The following TANGO6 variants were observed in gnomAD, a reference collection of about 807,000 sequenced individuals.
The protein encoded by TANGO6 is transport and golgi organization 6 homolog.
In TANGO6, 90 loss-of-function variants were observed where a neutral mutation model predicts 114.2. The ratio of observed to expected loss-of-function variants is 0.79; its 90% CI spans 0.66 to 0.94. TANGO6 has a LOEUF of 0.94. TANGO6 is among the 40% of genes least tolerant of loss of function. The pLI is 0.00. For missense variants in TANGO6, 1,274 were observed against 1,315.3 expected, an observed-to-expected ratio of 0.97 and a Z score of 0.49; for synonymous variants, 477 against 509.8, an observed-to-expected ratio of 0.94 and a Z score of 0.87.
At chr16:69,036,768 G>T (rs1194869879) in intron 16 of TANGO6, among the ~76,000 whole-genome samples, 1 of 152,130 alleles carries the variant, frequency 6.6e-6, no homozygotes, top group African/African-American at 2.4e-5. Flanking sequence ...TTTGAGACCA[G>T]CCTGGGCAAC....
chr16:68,878,082 A>G (rs565801651), intron 5 of TANGO6, 36 bp from the exon 6 acceptor site: 297 of 1,574,498 alleles, frequency 1.9e-4, no homozygotes, highest in Non-Finnish European at 2.5e-4. Flanking sequence ...ATTCCTTGCA[A>G]AAAACTGGTA....
At position 69,082,889 on chromosome 16, in the gene TANGO6, G is replaced by C. The variant is rs200162968; in HGVS notation, c.3109-596G>C. ...TATCTGGGCAGTCTTGCCTGTCTGT[G>C]GTCCTGAGGTCTCTGCCATGCTTTG... On this transcript the variant is annotated intron_variant, in intron 17 of 17. Transcript: ENST00000261778. Among the ~76,000 whole-genome samples, 11 of 152,212 alleles carry C rather than the reference G, an allele frequency of 7.2e-5. No homozygotes were observed. In the East Asian group the frequency reaches 2.1e-3, roughly 29 times the overall value.
intron 17 of TANGO6, among the ~76,000 whole-genome samples, chr16:69,053,261 C>T (rs8045398): frequency 0.043 from 6,482 of 151,942 alleles, 456 homozygotes; most frequent in African/African-American, 0.15. Context: ...TATATATATT[C>T]CCCCTCCCCA....
chr16:68,903,573 G>A (rs570939912), intron 9 of TANGO6, among the ~76,000 whole-genome samples: 8 of 138,178 alleles, frequency 5.8e-5, no homozygotes, highest in South Asian at 2.3e-4. Context: ...AGCTGGGATC[G>A]TACCACTGCA....
intron 17 of TANGO6, among the ~76,000 whole-genome samples, chr16:69,072,068 T>TAG (rs1555530578): frequency 5.0e-5 from 5 of 100,570 alleles, no homozygotes; most frequent in South Asian, 3.2e-4. Flanking sequence ...TGTGTGTGTG[T>TAG]AGAGAGAGGG....
chr16:69,055,199 A>G (rs144007462), intron 17 of TANGO6, among the ~76,000 whole-genome samples: 4 of 152,330 alleles, frequency 2.6e-5, no homozygotes, highest in African/African-American at 9.6e-5. Context: ...GGTTTTAAGT[A>G]AAAGAAACCT....
intron 14 of TANGO6, among the ~76,000 whole-genome samples, chr16:68,951,337 G>T (rs527667443): frequency 1.2e-4 from 18 of 151,386 alleles, no homozygotes; most frequent in East Asian, 5.9e-4. Context: ...AAGGCAGGGT[G>T]GGGGGGTTGG....
chr16:68,865,133 C>T (rs905030510), intron 3 of TANGO6, among the ~76,000 whole-genome samples: 11 of 151,842 alleles, frequency 7.2e-5, no homozygotes, highest in South Asian at 2.1e-4. Context: ...AAAAATTAGC[C>T]GGGCGTGGTG....
Position 68,957,987 on chromosome 16 carries a change from C to T in TANGO6, c.2702-16041C>T, listed in dbSNP as rs145945892. Among the ~76,000 whole-genome samples the T allele has an allele frequency of 4.9e-3, 746 of 151,712 alleles. 6 individuals carry two copies. The highest frequency in any genetic ancestry group is 0.017 in the African/African-American group (706 of 41,364). ...AGGAGTTCGAGACAAGCCTGGCCAA[C>T]ATGGTGAAACCCCGTTTCCACTAAA... is the stretch of plus-strand genomic sequence containing the variant. On this transcript the variant is annotated intron_variant, in intron 14 of 17. Coordinates refer to ENST00000261778, the MANE Select transcript of TANGO6 (RefSeq NM_024562.2).
chr16:68,895,939 A>AATTTTATTTT (rs1006715138), intron 7 of TANGO6, among the ~76,000 whole-genome samples: 1 of 148,546 alleles, frequency 6.7e-6, no homozygotes, highest in Admixed American at 6.8e-5. Context: ...TTTTAATTTT[A>AATTTTATTTT]ATTTTATTTT....
At chr16:68,846,652 TGCCTG>T (rs1961810683) in intron 1 of TANGO6, 1 of 158,106 alleles carries the variant, frequency 6.3e-6, no homozygotes, top group Non-Finnish European at 1.4e-5. Context: ...CATGCCACTG[TGCCTG>T]GCTAATTTTC....
At chr16:68,889,777 G>A (rs1438390615) in intron 7 of TANGO6, among the ~76,000 whole-genome samples, 1 of 152,166 alleles carries the variant, frequency 6.6e-6, no homozygotes, top group Non-Finnish European at 1.5e-5. Flanking sequence ...TGCAACTTTA[G>A]GTAACTTATT....
intron 15 of TANGO6, among the ~76,000 whole-genome samples, chr16:68,981,911 C>A (rs1354857754): frequency 2.6e-5 from 4 of 152,162 alleles, no homozygotes; most frequent in African/African-American, 7.2e-5. Context: ...ATCTGAAAAA[C>A]CCCAAAGCAT....
At chr16:68,886,044 T>A (rs932969154) in intron 7 of TANGO6, among the ~76,000 whole-genome samples, 2 of 152,168 alleles carry the variant, frequency 1.3e-5, no homozygotes, top group African/African-American at 4.8e-5. Context: ...CTGGCCAAAA[T>A]TTTTTACCTG....
chr16:69,067,626 T>C (rs1960236640), intron 17 of TANGO6, among the ~76,000 whole-genome samples: 1 of 149,940 alleles, frequency 6.7e-6, no homozygotes, highest in South Asian at 2.1e-4. Flanking sequence ...GAGACCAGCC[T>C]GGGCAACATG....
chr16:68,870,053 A>G (rs971430985), intron 4 of TANGO6, among the ~76,000 whole-genome samples: 1 of 152,204 alleles, frequency 6.6e-6, no homozygotes, highest in African/African-American at 2.4e-5. Context: ...ACATGATCAA[A>G]TCTGCAGTTT....
At chr16:68,974,209 A>G (rs747610325) in intron 15 of TANGO6, 41 bp downstream of exon 15, 2 of 1,612,876 alleles carry the variant, frequency 1.2e-6, no homozygotes, top group Admixed American at 3.3e-5. Flanking sequence ...AGGGTGGAGG[A>G]TCAGTGTGAC....
At chr16:68,935,657 T>A (rs28637978) in intron 14 of TANGO6, among the ~76,000 whole-genome samples, 18,703 of 152,206 alleles carry the variant, frequency 0.12, 1,677 homozygotes, top group African/African-American at 0.25. Flanking sequence ...GTATAAAGTC[T>A]CTGAGTTCCG....
intron 12 of TANGO6, among the ~76,000 whole-genome samples, chr16:68,923,247 C>T (rs1187955119): frequency 6.6e-6 from 1 of 151,690 alleles, no homozygotes; most frequent in Non-Finnish European, 1.5e-5. Context: ...CATGAGCCAC[C>T]GCGCCTGGCC....
Sources: allele counts gnomAD v4.1 joint callset (sites outside exome capture counted in the v4.1 genomes callset), GRCh38; gene constraint gnomAD v4.1.1; transcripts MANE v1.5; gene names NCBI Gene and HGNC (gene_info 2026-07-23, HGNC 2026-07-21).